Variants in CATSPERT observed in about 807,000 individuals in gnomAD.
CATSPERT encodes catsper channel auxiliary subunit tau.
the CATSPERT span, chr2:201,601,600 ATACTG>A: frequency 1.4e-6 from 1 of 737,346 alleles, no homozygotes; most frequent in Non-Finnish European, 2.1e-6. Flanking sequence ...TAGAAATAGA[ATACTG>A]TAAGATACCA....
chr2:201,493,735 A>C, the CATSPERT span: 1 of 1,537,260 alleles, frequency 6.5e-7, no homozygotes, highest in South Asian at 1.2e-5. Flanking sequence ...TGGTGCAGTG[A>C]ATATTTGCCT....
At chr2:201,553,397 G>C in the CATSPERT span, 1 of 152,264 alleles carries the variant, frequency 6.6e-6, no homozygotes, top group South Asian at 2.1e-4. Context: ...TTTACCATCT[G>C]TGATGGTGTA....
the CATSPERT span, among the ~76,000 whole-genome samples, chr2:201,561,508 T>C: frequency 1.1e-4 from 16 of 152,320 alleles, no homozygotes; most frequent in South Asian, 3.1e-3. Context: ...AAGAACTGGT[T>C]GGTAGCATTA....
the CATSPERT span, among the ~76,000 whole-genome samples, chr2:201,525,653 T>C: frequency 6.6e-6 from 1 of 151,796 alleles, no homozygotes; most frequent in African/African-American, 2.4e-5. Context: ...ATGTGAAAAC[T>C]GACACAAAAG....
At chr2:201,583,650 A>G in the CATSPERT span, among the ~76,000 whole-genome samples, 3 of 152,230 alleles carry the variant, frequency 2.0e-5, no homozygotes, top group Non-Finnish European at 2.9e-5. Context: ...CTTAGAAGAA[A>G]CACAAATCTT....
chr2:201,597,584 T>G, the CATSPERT span, among the ~76,000 whole-genome samples: 31 of 152,086 alleles, frequency 2.0e-4, no homozygotes, highest in Non-Finnish European at 4.0e-4. Flanking sequence ...CACTCCGCTG[T>G]GCGGGAATCA....
At chr2:201,511,860 A>AC in the CATSPERT span, 4 of 112,552 alleles carry the variant, frequency 3.6e-5, no homozygotes, top group Non-Finnish European at 6.1e-5. Flanking sequence ...AAAAAAAAAA[A>AC]AAAAAAAAAA....
At chr2:201,594,497 C>T in the CATSPERT span, among the ~76,000 whole-genome samples, 1 of 152,166 alleles carries the variant, frequency 6.6e-6, no homozygotes, top group African/African-American at 2.4e-5. Flanking sequence ...GTGGCATTCT[C>T]TGTATTTCCT....
the CATSPERT span, among the ~76,000 whole-genome samples, chr2:201,563,985 G>A: frequency 6.6e-6 from 1 of 152,140 alleles, no homozygotes; most frequent in Admixed American, 6.5e-5. Context: ...GCAGAGCTTT[G>A]AGATAGAAAT....
the CATSPERT span, among the ~76,000 whole-genome samples, chr2:201,523,673 C>A: frequency 5.9e-5 from 9 of 152,088 alleles, no homozygotes; most frequent in Non-Finnish European, 1.3e-4. Context: ...GACATAGAAC[C>A]CAGAATCTGT....
the CATSPERT span, among the ~76,000 whole-genome samples, chr2:201,618,244 A>G: frequency 1.3e-5 from 2 of 152,206 alleles, no homozygotes; most frequent in Non-Finnish European, 2.9e-5. Context: ...ATGCTGCTAT[A>G]AAGTCACGTG....
At chr2:201,506,679 G>T in the CATSPERT span, among the ~76,000 whole-genome samples, 1 of 151,846 alleles carries the variant, frequency 6.6e-6, no homozygotes. Context: ...TCAGCCTCCC[G>T]AGTAGCTGGG....
chr2:201,498,549 A>T, the CATSPERT span, among the ~76,000 whole-genome samples: 1 of 152,016 alleles, frequency 6.6e-6, no homozygotes, highest in Non-Finnish European at 1.5e-5. Context: ...ACCACCTCAA[A>T]TGTCAGTCTC....
chr2:201,589,448 C>T, the CATSPERT span, among the ~76,000 whole-genome samples: 1 of 152,034 alleles, frequency 6.6e-6, no homozygotes, highest in Admixed American at 6.6e-5. Context: ...AGAAATAAGA[C>T]CACACACCTA....
chr2:201,499,691 C>A, the CATSPERT span, among the ~76,000 whole-genome samples: 1 of 151,698 alleles, frequency 6.6e-6, no homozygotes, highest in East Asian at 1.9e-4. Context: ...AAAAATTAGC[C>A]AGGTGTGGTG....
the CATSPERT span, chr2:201,603,372 TC>T: frequency 9.9e-7 from 1 of 1,014,116 alleles, no homozygotes; most frequent in Non-Finnish European, 1.4e-6. Context: ...AAAGTAAAAC[TC>T]CACGTTGTTG....
the CATSPERT span, among the ~76,000 whole-genome samples, chr2:201,547,234 C>G: frequency 6.6e-6 from 1 of 152,032 alleles, no homozygotes; most frequent in Non-Finnish European, 1.5e-5. Context: ...AGTGAAGATA[C>G]TAAATGCCAC....
the CATSPERT span, chr2:201,535,145 A>C: frequency 1.0e-6 from 1 of 983,050 alleles, no homozygotes; most frequent in Non-Finnish European, 1.2e-6. Flanking sequence ...AACTGAGAGT[A>C]ATTCCCAGTT....
At chr2:201,602,260 T>C in the CATSPERT span, among the ~76,000 whole-genome samples, 2 of 152,154 alleles carry the variant, frequency 1.3e-5, no homozygotes, top group Non-Finnish European at 2.9e-5. Flanking sequence ...CTATTTTTAA[T>C]TTTGAGACAA....
Sources: gnomAD v4.1 joint callset for allele counts (sites outside exome capture counted in the v4.1 genomes callset) on GRCh38, gnomAD v4.1.1 for gene constraint, MANE v1.5 for transcripts, NCBI Gene and HGNC (gene_info 2026-07-23, HGNC 2026-07-21) for gene names.